VPS13D: variants seen among roughly 807,000 people sequenced by gnomAD.
VPS13D encodes vacuolar protein sorting 13 homolog D.
Under a neutral mutation model 461.9 loss-of-function variants are expected in VPS13D, and 187 were observed. The observed-to-expected ratio is 0.40, with a 90% CI of 0.36 to 0.46. VPS13D has a LOEUF of 0.46. Among genes scored for constraint, VPS13D ranks in the 20% least tolerant of loss-of-function variants. VPS13D has a pLI of 0.60. For synonymous variants in VPS13D, 1,951 were observed against 1,986.3 expected, an observed-to-expected ratio of 0.98 and a Z score of 0.47; for missense variants, 4,711 against 5,364.9, an observed-to-expected ratio of 0.88 and a Z score of 3.81.
intron 65 of VPS13D, among the ~76,000 whole-genome samples, chr1:12,445,772 T>C (rs1274000282): frequency 6.6e-6 from 1 of 152,212 alleles, no homozygotes; most frequent in Non-Finnish European, 1.5e-5. Flanking sequence ...ATCAAGCCAG[T>C]TTTCTAAAGA....
chr1:12,232,607 A>G (rs764304678), intron 1 of VPS13D, among the ~76,000 whole-genome samples: 3 of 118,430 alleles, frequency 2.5e-5, no homozygotes, highest in Non-Finnish European at 5.5e-5. Context: ...AGTTTCCCTC[A>G]TGTTGACTTT....
chr1:12,249,743 A>G lies in VPS13D; in HGVS notation c.564+404A>G, dbSNP rs532859487. The G allele has an allele frequency of 3.9e-4, 61 of 155,900 alleles. No homozygotes were observed. The South Asian group carries it at 8.3e-3, about 21-fold the overall frequency. 9.7% of individuals were successfully genotyped at this position (155,900 alleles called of 1,614,324 possible). On this transcript the variant is annotated intron_variant, in intron 6 of 69. Transcript: ENST00000620676. ...TGACCTTCATATTCGTGGTTTTCTT[A>G]AAACTACTGCTTGTCTCAAAACACA...
rs148968489 is a variant in VPS13D, at chr1:12,277,849, C to G, written c.4261C>G (p.Arg1421Gly). The G allele has an allele frequency of 4.3e-6, 7 of 1,614,062 alleles. No individual in the cohort carries two copies. The Admixed American group carries it at 1.2e-4, about 27-fold the overall frequency. Reference protein sequence around the residue: ...VAGDDESRSDRLQVEIKDIKL... With the variant: ...VAGDDESRSDGLQVEIKDIKL... ...GGGAGATGATGAATCCAGAAGTGAC[C>G]GTCTGCAGGTGGAAATCAAGGACAT... Residue 1421 changes from arginine (R) to glycine (G), a missense_variant, in exon 19 of 70, where the codon CGT (arginine) becomes GGT (glycine). This residue lies in a region of VPS13D where 4,411 missense variants were observed against 4,937.8 expected (regional missense o/e 0.89). Coordinates refer to ENST00000620676, the MANE Select transcript of VPS13D (RefSeq NM_015378.4).
At position 12,348,836 on chromosome 1, in the gene VPS13D, C is replaced by T; in HGVS notation, c.9083C>T (p.Pro3028Leu). The T allele has an allele frequency of 1.2e-6, 2 of 1,614,132 alleles. No individual in the cohort carries two copies. The highest frequency in any genetic ancestry group is 1.7e-6 in the Non-Finnish European group (2 of 1,180,018). The change falls in exon 45 of 70, where the codon CCA (proline) becomes CTA (leucine). Residue 3028 changes from proline to leucine, a missense_variant. This residue lies in a region of VPS13D where 4,411 missense variants were observed against 4,937.8 expected (regional missense o/e 0.89). Coordinates refer to ENST00000620676, the MANE Select transcript of VPS13D (RefSeq NM_015378.4). ...IHPQVYFSSL[P>L]PVRVVFAVTM... is the part of the protein sequence containing the mutation. ...GCTCTTTCACAGTTCTCTTCACTCC[C>T]ACCAGTGCGGGTGGTCTTTGCAGTG...
rs188415388 is a variant in VPS13D at position 12,308,787 on chromosome 1, G to C, written c.6650+146G>C. ...CAGCCTCAGCCTCCCAAGTAGCTGG[G>C]ATTACAGGCACATGCTACCATGCCC... On this transcript the variant is annotated intron_variant, in intron 27 of 69. Coordinates refer to ENST00000620676, the MANE Select transcript of VPS13D (RefSeq NM_015378.4). 4.0e-4 allele frequency: 296 copies of C among 731,648 alleles called. 4 individuals carry two copies. The African/African-American group carries it at 5.0e-3, about 12-fold the overall frequency. 45.3% of individuals were successfully genotyped at this position (731,648 alleles called of 1,614,324 possible).
chr1:12,330,412 C>T (rs1643300560), intron 37 of VPS13D, among the ~76,000 whole-genome samples: 1 of 151,922 alleles, frequency 6.6e-6, no homozygotes, highest in Non-Finnish European at 1.5e-5. Context: ...AAGGCTCTGT[C>T]TCAAAAAAAA....
intron 67 of VPS13D, among the ~76,000 whole-genome samples, chr1:12,496,148 T>C (rs1388625149): frequency 1.3e-5 from 2 of 152,254 alleles, no homozygotes; most frequent in Non-Finnish European, 2.9e-5. Flanking sequence ...GTGCAGATCA[T>C]TGAAACTTCT....
chr1:12,410,354 A>G (rs777319505), intron 63 of VPS13D, among the ~76,000 whole-genome samples: 1 of 152,250 alleles, frequency 6.6e-6, no homozygotes, highest in African/African-American at 2.4e-5. Flanking sequence ...AAAACACACC[A>G]GAACTTAGAT....
chr1:12,472,804 C>T (rs144417194), intron 67 of VPS13D, among the ~76,000 whole-genome samples: 133 of 152,282 alleles, frequency 8.7e-4, no homozygotes, highest in African/African-American at 2.9e-3. Flanking sequence ...TTTTATGAAA[C>T]CCATATCCAT....
At position 12,439,281 on chromosome 1, in the gene VPS13D, C is replaced by T. The variant is rs567445725; in HGVS notation, c.12334-16717C>T. On this transcript the variant is annotated intron_variant, in intron 65 of 69. Coordinates refer to ENST00000620676, the MANE Select transcript of VPS13D (RefSeq NM_015378.4). ...TCACCAGCTCCTGCCACACTGTTCT[C>T]GCTGCTTCTCAACCCTCTGCCTTCA... Among the ~76,000 whole-genome samples the T allele has an allele frequency of 7.2e-5, 11 of 152,250 alleles. No homozygotes were observed. The East Asian group carries it at 1.4e-3, about 19-fold the overall frequency.
At chr1:12,242,408 A>C in intron 2 of VPS13D, 105 bp from the exon 3 acceptor site, 1 of 975,102 alleles carries the variant, frequency 1.0e-6, no homozygotes, top group Non-Finnish European at 1.6e-6. Context: ...GACGTAGCCT[A>C]TTCTATATGT....
rs1553187933 is a variant in VPS13D, at chr1:12,396,029, A to ATATATATATATGTATT, written c.11635-4152_11635-4151insTATATATATATGTATT. Among the ~76,000 whole-genome samples, 126 of 119,814 alleles carry ATATATATATATGTATT rather than the reference A, an allele frequency of 1.1e-3. 4 individuals are homozygous for ATATATATATATGTATT. Among genetic ancestry groups the ATATATATATATGTATT allele is most frequent in the East Asian group, 5.7e-3 (25 of 4,398 alleles). 78.6% of individuals were successfully genotyped at this position (119,814 alleles called of 152,430 possible). On this transcript the variant is annotated intron_variant, in intron 60 of 69. Transcript: ENST00000620676. ...TATATATATATATATATATATATAT[A>ATATATATATATGTATT]GTTCTTTAAGATCAATAAAATTAAT...
rs35299447 is a variant in VPS13D at position 12,300,207 on chromosome 1, CTTTTTT to C, written c.6216+836_6216+841del. Among the ~76,000 whole-genome samples, 7 of 123,324 alleles carry C rather than the reference CTTTTTT, an allele frequency of 5.7e-5. No homozygotes were observed. In the South Asian group the frequency reaches 1.3e-3, roughly 22 times the overall value. The allele number at this position is 123,324 out of a possible 152,430, so 80.9% of individuals were successfully genotyped here. A position where few individuals can be genotyped will look rare whatever the true frequency, so the allele number is the denominator to read the frequency against. ...ATGAGAATGTGTGGCATTTGCTTTGCTTTTTTTTTTTTTTTTTTGAAACAGAGTCTC... is the reference window on the plus strand; with the variant it reads ...ATGAGAATGTGTGGCATTTGCTTTGCTTTTTTTTTTTTGAAACAGAGTCTC... On this transcript the variant is annotated intron_variant, in intron 25 of 69. Coordinates refer to ENST00000620676, the MANE Select transcript of VPS13D (RefSeq NM_015378.4).
intron 35 of VPS13D, among the ~76,000 whole-genome samples, chr1:12,326,746 C>T (rs533609493): frequency 3.1e-4 from 47 of 151,996 alleles, no homozygotes; most frequent in African/African-American, 1.1e-3. Flanking sequence ...CAGGTGCAAG[C>T]GATTCTCCTG....
chr1:12,289,669 T>C (rs1642069318), intron 22 of VPS13D, among the ~76,000 whole-genome samples: 2 of 151,854 alleles, frequency 1.3e-5, no homozygotes, highest in South Asian at 2.1e-4. Context: ...AAAATAAGTA[T>C]GTGGCTGGGC....
intron 5 of VPS13D, 60 bp downstream of exon 5, chr1:12,244,677 G>A (rs1020299226): frequency 1.1e-5 from 17 of 1,490,164 alleles, no homozygotes; most frequent in African/African-American, 2.8e-5. Flanking sequence ...AGGTTTAAAC[G>A]TGTTTCTCCT....
At chr1:12,264,374 A>G (rs1641203358) in intron 13 of VPS13D, among the ~76,000 whole-genome samples, 6 of 152,262 alleles carry the variant, frequency 3.9e-5, no homozygotes, top group Admixed American at 3.9e-4. Context: ...GAAAGCTGAG[A>G]TAGGCCAAAA....
chr1:12,245,320 C>G (rs1640513781), intron 5 of VPS13D, among the ~76,000 whole-genome samples: 2 of 152,198 alleles, frequency 1.3e-5, no homozygotes, highest in Admixed American at 6.5e-5. Flanking sequence ...CAATGTATGT[C>G]ATGTTCCCAA....
chr1:12,459,317 G>A (rs1041601879), intron 66 of VPS13D, among the ~76,000 whole-genome samples: 4 of 152,110 alleles, frequency 2.6e-5, no homozygotes, highest in African/African-American at 7.2e-5. Context: ...TATACAGGAC[G>A]GTGTGTGTAG....
Sources: gnomAD v4.1 joint callset for allele counts (sites outside exome capture counted in the v4.1 genomes callset) on GRCh38, gnomAD v4.1.1 for gene constraint, gnomAD v4.1.1 regional missense constraint, MANE v1.5 for transcripts, NCBI Gene and HGNC (gene_info 2026-07-23, HGNC 2026-07-21) for gene names.